TCF25: variants seen among roughly 807,000 people sequenced by gnomAD.
The protein encoded by TCF25 is TCF25 ribosome quality control complex subunit.
Under a neutral mutation model 83.1 loss-of-function variants are expected in TCF25, and 41 were observed. That is an observed-to-expected ratio of 0.49 (90% CI 0.38 to 0.64). The LOEUF is 0.64. Among genes scored for constraint, TCF25 ranks in the 30% least tolerant of loss-of-function variants. TCF25 has a pLI of 0.00. For missense variants in TCF25, 979 were observed against 914.5 expected, an observed-to-expected ratio of 1.07 and a Z score of -0.91; for synonymous variants, 458 against 365.0, an observed-to-expected ratio of 1.25 and a Z score of -2.90.
intron 9 of TCF25, among the ~76,000 whole-genome samples, chr16:89,896,983 T>C (rs2043908969): frequency 6.6e-6 from 1 of 151,284 alleles, no homozygotes; most frequent in African/African-American, 2.4e-5. Context: ...GCTGAGATGG[T>C]ACCAGTGCAC....
chr16:89,893,648 C>T, intron 6 of TCF25, 80 bp from the exon 7 acceptor site: 1 of 1,605,328 alleles, frequency 6.2e-7, no homozygotes, highest in Non-Finnish European at 8.5e-7. Flanking sequence ...ATCCAGAACA[C>T]CACGAAGGTG....
chr16:89,906,054 T>TA, intron 14 of TCF25, 140 bp from the exon 15 acceptor site: 1 of 741,340 alleles, frequency 1.3e-6, no homozygotes, highest in Non-Finnish European at 2.2e-6. Flanking sequence ...TGCTCGAGAG[T>TA]AAAGTGTACA....
rs1276730483 is a variant in TCF25, at chr16:89,882,464, G to A, written c.193-887G>A. On this transcript the variant is annotated intron_variant, in intron 1 of 17. Coordinates refer to ENST00000263346, the MANE Select transcript of TCF25 (RefSeq NM_014972.3). ...GAGGCAGGAGGATGCTTGAACCCAGGAGGCCAAGGCTGCAGTGAGCCAAGA... is the reference window on the plus strand; with the variant it reads ...GAGGCAGGAGGATGCTTGAACCCAGAAGGCCAAGGCTGCAGTGAGCCAAGA... Among the ~76,000 whole-genome samples the A allele has an allele frequency of 3.3e-5, 5 of 152,196 alleles. No homozygotes were observed. The East Asian group carries it at 5.8e-4, about 18-fold the overall frequency.
At chr16:89,903,802 G>A (rs1351942334) in intron 12 of TCF25, among the ~76,000 whole-genome samples, 2 of 152,022 alleles carry the variant, frequency 1.3e-5, no homozygotes, top group East Asian at 3.9e-4. Context: ...GTGAGACCCT[G>A]TCTCAGAAAA....
intron 1 of TCF25, among the ~76,000 whole-genome samples, chr16:89,876,601 G>A (rs1329544699): frequency 6.6e-6 from 1 of 152,062 alleles, no homozygotes; most frequent in African/African-American, 2.4e-5. Context: ...GAGCAGCCTG[G>A]CCAACATGGT....
intron 12 of TCF25, among the ~76,000 whole-genome samples, chr16:89,903,393 G>A (rs912402276): frequency 7.9e-5 from 12 of 152,248 alleles, no homozygotes; most frequent in Admixed American, 5.9e-4. Context: ...CCAACCGGCC[G>A]GGCACGGTGG....
chr16:89,907,015 G>A (rs777832198), intron 15 of TCF25, among the ~76,000 whole-genome samples: 46 of 152,210 alleles, frequency 3.0e-4, no homozygotes, highest in Non-Finnish European at 4.7e-4. Flanking sequence ...GGCAGACGCC[G>A]TGCAGGTTCA....
intron 17 of TCF25, among the ~76,000 whole-genome samples, 193 bp downstream of exon 17, chr16:89,910,856 A>G (rs573218572): frequency 2.6e-4 from 39 of 152,328 alleles, no homozygotes; most frequent in African/African-American, 8.2e-4. Flanking sequence ...ATGGTAGCAG[A>G]TGCAGGGCCG....
At chr16:89,910,994 G>C in intron 17 of TCF25, 86 bp from the exon 18 acceptor site, 1 of 1,559,006 alleles carries the variant, frequency 6.4e-7, no homozygotes, top group Non-Finnish European at 8.7e-7. Flanking sequence ...GGGCCACCTC[G>C]GGCTCCACAG....
intron 15 of TCF25, among the ~76,000 whole-genome samples, chr16:89,906,644 C>T (rs532617730): frequency 1.3e-5 from 2 of 152,244 alleles, no homozygotes; most frequent in South Asian, 4.1e-4. Context: ...CCGTTTCTGT[C>T]TCAAAACCTA....
intron 10 of TCF25, 43 bp from the exon 11 acceptor site, chr16:89,898,724 C>T (rs1433449702): frequency 3.1e-6 from 5 of 1,612,528 alleles, no homozygotes; most frequent in South Asian, 2.2e-5. Context: ...CCTGACGATG[C>T]CCCTGTTCCC....
chr16:89,906,209 C>T lies in TCF25; in HGVS notation c.1644C>T (p.Tyr548=), dbSNP rs1567737938. ...EACENRRKVL[Y]QRAPRNIHRH... ...CCGGCCCTAGGCGGAAGGTGCTCTA[C>T]CAGCGTGCACCCAGGAATATCCACC... is the stretch of plus-strand genomic sequence containing the variant. Residue 548 remains tyrosine, a synonymous_variant, in exon 15 of 18, where the codon TAC becomes TAT. Transcript: ENST00000263346. 3.1e-6 allele frequency: 5 copies of T among 1,613,230 alleles called. No homozygotes were observed. The highest frequency in any genetic ancestry group is 1.3e-5 in the African/African-American group (1 of 74,946).
intron 11 of TCF25, among the ~76,000 whole-genome samples, 164 bp from the exon 12 acceptor site, chr16:89,900,471 C>T (rs148158977): frequency 6.9e-4 from 105 of 152,268 alleles, no homozygotes; most frequent in African/African-American, 2.4e-3. Context: ...CCCAGGTGGA[C>T]GTTTTAAGTT....
intron 1 of TCF25, among the ~76,000 whole-genome samples, chr16:89,877,891 C>T (rs771967372): frequency 6.6e-5 from 10 of 152,064 alleles, no homozygotes; most frequent in South Asian, 2.1e-4. Context: ...TGGGCAAGTT[C>T]CTTTAAAGAT....
chr16:89,900,882 A>G, intron 12 of TCF25, 88 bp downstream of exon 12: 1 of 1,347,376 alleles, frequency 7.4e-7, no homozygotes, highest in Non-Finnish European at 9.8e-7. Flanking sequence ...GCCAGGTCCC[A>G]GTCCTTCCCC....
chr16:89,886,038 G>A lies in TCF25; in HGVS notation c.548+72G>A, dbSNP rs374723070. ...CTTCTCTGCGGCTGCCCTTCTCTGC[G>A]GCTGCCCTTCTCTGTGGCTGCCACA... is the stretch of plus-strand genomic sequence containing the variant. On this transcript the variant is annotated intron_variant, in intron 4 of 17. Transcript: ENST00000263346. 3.9e-4 allele frequency: 512 copies of A among 1,318,412 alleles called. 4 individuals are homozygous for A. The South Asian group carries it at 3.9e-3, about 10-fold the overall frequency. The allele number at this position is 1,318,412 out of a possible 1,614,324, so 81.7% of individuals were successfully genotyped here. A position where few individuals can be genotyped will look rare whatever the true frequency, so the allele number is the denominator to read the frequency against.
rs750950750 is a variant in TCF25 at position 89,887,723 on chromosome 16, G to A, written c.614+6G>A. The A allele has an allele frequency of 6.4e-7, 1 of 1,572,046 alleles. No homozygotes were observed. Among genetic ancestry groups the A allele is most frequent in the African/African-American group, 1.4e-5 (1 of 72,498 alleles). On this transcript the variant is annotated splice_donor_region_variant and intron_variant, in intron 5 of 17. Transcript: ENST00000263346. Reference sequence around the variant, plus strand: ...GCAATCCTGGGGGAGCAAAGGTAAGGTCCACAGTGAGCTGCATTCTCACAG... The same window carrying A: ...GCAATCCTGGGGGAGCAAAGGTAAGATCCACAGTGAGCTGCATTCTCACAG...
Position 89,885,875 on chromosome 16 carries a change from A to C in TCF25, c.457A>C (p.Ile153Leu), listed in dbSNP as rs1466237667. The change falls in exon 4 of 18, where the codon ATC (isoleucine) becomes CTC (leucine). Residue 153 changes from isoleucine (I) to leucine (L), a missense_variant. Coordinates refer to ENST00000263346, the MANE Select transcript of TCF25 (RefSeq NM_014972.3). Reference protein sequence around the residue: ...SENGLEDIDRILERIEDSTGL... With the variant: ...SENGLEDIDRLLERIEDSTGL... ...AAACGGACTAGAAGATATCGATCGC[A>C]TCCTAGAGAGGATTGAGGACAGCAC... 1.9e-6 allele frequency: 3 copies of C among 1,614,090 alleles called. No homozygotes were observed. Among genetic ancestry groups the C allele is most frequent in the East Asian group, 4.5e-5 (2 of 44,886 alleles).
chr16:89,908,501 T>TTCCCACCTCCCACCTTCCAGC (rs2045200181), intron 16 of TCF25, among the ~76,000 whole-genome samples: 6 of 54,758 alleles, frequency 1.1e-4, no homozygotes, highest in Non-Finnish European at 1.9e-4. Flanking sequence ...TTCCTCGCAG[T>TTCCCACCTCCCACCTTCCAGC]TCCCACCTCC....
Sources: allele counts gnomAD v4.1 joint callset (sites outside exome capture counted in the v4.1 genomes callset), GRCh38; gene constraint gnomAD v4.1.1; transcripts MANE v1.5; gene names NCBI Gene and HGNC (gene_info 2026-07-23, HGNC 2026-07-21).